FSTL5: variants seen among roughly 807,000 people sequenced by gnomAD.
FSTL5 encodes follistatin like 5.
FSTL5 carries 62 observed loss-of-function variants against 89.1 expected under a neutral mutation model. The observed-to-expected ratio is 0.70, with a 90% CI of 0.57 to 0.86. The LOEUF (loss-of-function observed/expected upper bound fraction) is 0.86, where lower values mean the gene tolerates loss of function less well. FSTL5 is among the 40% of genes least tolerant of loss of function. FSTL5 has a pLI of 0.00. For missense variants in FSTL5, 1,057 were observed against 1,001.6 expected, an observed-to-expected ratio of 1.06 and a Z score of -0.75; for synonymous variants, 383 against 346.2, an observed-to-expected ratio of 1.11 and a Z score of -1.18.
chr4:161,650,474 G>A (rs1370319909), intron 7 of FSTL5, among the ~76,000 whole-genome samples: 5 of 152,050 alleles, frequency 3.3e-5, no homozygotes, highest in African/African-American at 7.2e-5. Flanking sequence ...TCTGTGTTTT[G>A]TCTAGCAACC....
intron 1 of FSTL5, among the ~76,000 whole-genome samples, chr4:162,114,436 A>C (rs1207041711): frequency 6.6e-6 from 1 of 151,594 alleles, no homozygotes; most frequent in East Asian, 1.9e-4. Context: ...TGAGGTCAGA[A>C]ATTTCTTTAA....
intron 6 of FSTL5, among the ~76,000 whole-genome samples, chr4:161,758,368 T>G (rs1027917828): frequency 6.6e-6 from 1 of 152,230 alleles, no homozygotes; most frequent in African/African-American, 2.4e-5. Flanking sequence ...AGTTCTGAAT[T>G]AAACTGAGTC....
intron 4 of FSTL5, among the ~76,000 whole-genome samples, chr4:161,800,297 A>G (rs1729753464): frequency 6.6e-6 from 1 of 151,670 alleles, no homozygotes; most frequent in South Asian, 2.1e-4. Context: ...AGAGAGAAGC[A>G]TGTCTAGAAA....
At chr4:162,088,933 G>A (rs894829145) in intron 2 of FSTL5, among the ~76,000 whole-genome samples, 11 of 152,242 alleles carry the variant, frequency 7.2e-5, no homozygotes, top group South Asian at 2.1e-4. Context: ...GCAAAAGCAT[G>A]TGTAGGATAC....
intron 11 of FSTL5, among the ~76,000 whole-genome samples, chr4:161,507,541 G>A (rs1730522975): frequency 1.3e-5 from 2 of 151,680 alleles, no homozygotes; most frequent in African/African-American, 2.4e-5. Context: ...AATTTCCAAT[G>A]TTTTCAATGT....
chr4:161,880,114 T>C (rs1732579533), intron 4 of FSTL5, among the ~76,000 whole-genome samples: 1 of 152,068 alleles, frequency 6.6e-6, no homozygotes, highest in South Asian at 2.1e-4. Context: ...GTCCTAGGTA[T>C]ATTTGGCTAG....
intron 7 of FSTL5, among the ~76,000 whole-genome samples, chr4:161,618,894 C>G (rs1036265347): frequency 6.6e-6 from 1 of 152,132 alleles, no homozygotes; most frequent in African/African-American, 2.4e-5. Flanking sequence ...CAATCCTAAG[C>G]CAAAAGAACA....
At chr4:161,826,419 T>C (rs960158200) in intron 4 of FSTL5, among the ~76,000 whole-genome samples, 3 of 152,112 alleles carry the variant, frequency 2.0e-5, no homozygotes, top group African/African-American at 7.2e-5. Context: ...TTTAAATCCA[T>C]TGTTTTTTTT....
At chr4:161,910,000 C>A (rs555493270) in intron 4 of FSTL5, among the ~76,000 whole-genome samples, 103 of 152,138 alleles carry the variant, frequency 6.8e-4, no homozygotes, top group Non-Finnish European at 1.1e-3. Flanking sequence ...CTCTAATGAG[C>A]TTGGTATCTC....
chr4:161,844,735 G>C (rs1254947178), intron 4 of FSTL5, among the ~76,000 whole-genome samples: 2 of 152,026 alleles, frequency 1.3e-5, no homozygotes, highest in East Asian at 3.9e-4. Flanking sequence ...TGGGAGTTGA[G>C]CAAATGAGAA....
At chr4:161,610,385 T>G (rs1273296202) in intron 7 of FSTL5, among the ~76,000 whole-genome samples, 2 of 152,198 alleles carry the variant, frequency 1.3e-5, no homozygotes, top group African/African-American at 4.8e-5. Context: ...ACACCATGTA[T>G]AGCAATGAAA....
intron 6 of FSTL5, among the ~76,000 whole-genome samples, chr4:161,660,523 G>A (rs1285340060): frequency 6.6e-6 from 1 of 152,014 alleles, no homozygotes; most frequent in Non-Finnish European, 1.5e-5. Context: ...TTGTTACATA[G>A]GTCAGTGTGT....
At chr4:161,884,935 T>A (rs1732752459) in intron 4 of FSTL5, among the ~76,000 whole-genome samples, 1 of 152,150 alleles carries the variant, frequency 6.6e-6, no homozygotes, top group African/African-American at 2.4e-5. Context: ...TAGTCATTGC[T>A]CTTCATCTCA....
At chr4:161,516,698 T>A (rs1444993496) in intron 10 of FSTL5, among the ~76,000 whole-genome samples, 1 of 117,928 alleles carries the variant, frequency 8.5e-6, no homozygotes, top group Admixed American at 1.1e-4. Flanking sequence ...GTGAATTTAT[T>A]ATATGTAAAT....
intron 4 of FSTL5, among the ~76,000 whole-genome samples, chr4:161,783,303 C>T (rs552451219): frequency 1.8e-4 from 28 of 152,118 alleles, no homozygotes; most frequent in Non-Finnish European, 2.9e-4. Flanking sequence ...TATGAAAAGA[C>T]GTGCCTTTTA....
At chr4:161,670,085 C>T (rs1454356783) in intron 6 of FSTL5, among the ~76,000 whole-genome samples, 2 of 152,084 alleles carry the variant, frequency 1.3e-5, no homozygotes, top group Non-Finnish European at 2.9e-5. Flanking sequence ...ATATTGAATG[C>T]ATGAAATGCA....
At chr4:161,876,072 T>C (rs1180292798) in intron 4 of FSTL5, among the ~76,000 whole-genome samples, 4 of 152,228 alleles carry the variant, frequency 2.6e-5, no homozygotes, top group African/African-American at 4.8e-5. Context: ...ATAAAATTTG[T>C]TATACATTTG....
intron 13 of FSTL5, among the ~76,000 whole-genome samples, chr4:161,479,862 T>C (rs765918367): frequency 6.6e-6 from 1 of 152,204 alleles, no homozygotes; most frequent in Non-Finnish European, 1.5e-5. Context: ...TTCATGTTTG[T>C]ATTTGTGAAA....
At chr4:162,141,814 C>T (rs17042053) in intron 1 of FSTL5, among the ~76,000 whole-genome samples, 8,028 of 151,622 alleles carry the variant, frequency 0.053, 453 homozygotes, top group African/African-American at 0.13. Flanking sequence ...GAGGTCAAGC[C>T]GCAAATAGCA....
Sources: allele counts gnomAD v4.1 joint callset (sites outside exome capture counted in the v4.1 genomes callset), GRCh38; gene constraint gnomAD v4.1.1; transcripts MANE v1.5; gene names NCBI Gene and HGNC (gene_info 2026-07-23, HGNC 2026-07-21).